The following HIP1 variants were observed in gnomAD, a reference collection of about 807,000 sequenced individuals.
HIP1 encodes huntingtin interacting protein 1.
Under a neutral mutation model 147.6 loss-of-function variants are expected in HIP1, and 65 were observed. That is an observed-to-expected ratio of 0.44 (90% CI 0.36 to 0.54). The LOEUF is 0.54. Ranked by LOEUF, HIP1 falls within the 20% of genes least tolerant of loss-of-function variation. The pLI is 0.00. For missense variants in HIP1, 1,061 were observed against 1,299.6 expected, an observed-to-expected ratio of 0.82 and a Z score of 2.82; for synonymous variants, 479 against 504.0, an observed-to-expected ratio of 0.95 and a Z score of 0.67.
intron 1 of HIP1, among the ~76,000 whole-genome samples, chr7:75,720,191 C>T (rs782744869): frequency 2.0e-5 from 3 of 152,050 alleles, no homozygotes; most frequent in African/African-American, 2.4e-5. Flanking sequence ...AACAGAGTCT[C>T]GCTCTGTCAC....
Position 75,626,804 on chromosome 7 carries a change from T to A in HIP1, c.121-27557A>T, listed in dbSNP as rs1563254260. 4 of 152,052 alleles carry A rather than the reference T, an allele frequency of 2.6e-5. No homozygotes were observed. The East Asian group carries it at 7.7e-4, about 29-fold the overall frequency. 9.4% of individuals were successfully genotyped at this position (152,052 alleles called of 1,614,324 possible). ...TTGTCTGTGTGTACATGCTTGTGTTTGATTGAATCAAATGAAAATTTGGCT... is the reference window on the plus strand; with the variant it reads ...TTGTCTGTGTGTACATGCTTGTGTTAGATTGAATCAAATGAAAATTTGGCT... On this transcript the variant is annotated intron_variant, in intron 1 of 30. Transcript: ENST00000336926.
chr7:75,688,343 C>G (rs1291257696), intron 1 of HIP1, among the ~76,000 whole-genome samples: 1 of 152,046 alleles, frequency 6.6e-6, no homozygotes, highest in Non-Finnish European at 1.5e-5. Flanking sequence ...AGTCCCTCAG[C>G]CCTACAATGA....
rs1045948237 is a variant in HIP1 at position 75,536,298 on chromosome 7, G to C, written c.*1874C>G. On this transcript the variant is annotated 3_prime_UTR_variant, in exon 31 of 31. Transcript: ENST00000336926. ...TATGGTCATCCGAGGTCCTGGGAGA[G>C]AGTTTTTTGAATGTCCCACTTAGAA... The C allele has an allele frequency of 5.9e-6, 1 of 169,608 alleles. No homozygotes were observed. Among genetic ancestry groups the C allele is most frequent in the Non-Finnish European group, 1.2e-5 (1 of 83,548 alleles). The allele number at this position is 169,608 out of a possible 1,614,324, so 10.5% of individuals were successfully genotyped here. A position where few individuals can be genotyped will look rare whatever the true frequency, so the allele number is the denominator to read the frequency against.
chr7:75,557,683 C>T lies in HIP1; in HGVS notation c.1552G>A (p.Glu518Lys), dbSNP rs371587446. ...CGCTGGCCCTGGTCACTGATGCGCT[C>T]CAACGAATCCTCCAGCTCTTTTTTC... Reference protein sequence around the residue: ...REKKELEDSLERISDQGQRKT... With the variant: ...REKKELEDSLKRISDQGQRKT... Residue 518 changes from glutamate to lysine, a missense_variant, in exon 16 of 31, where the codon GAG becomes AAG. By Grantham distance (56) the Glu-to-Lys change is moderately conservative. Coordinates refer to ENST00000336926, the MANE Select transcript of HIP1 (RefSeq NM_005338.7). 4.3e-6 allele frequency: 7 copies of T among 1,613,970 alleles called. No individual in the cohort carries two copies. Among genetic ancestry groups the T allele is most frequent in the Admixed American group, 1.7e-5 (1 of 59,988 alleles).
At chr7:75,542,697 T>C (rs1794381351) in intron 28 of HIP1, among the ~76,000 whole-genome samples, 154 bp downstream of exon 28, 1 of 151,768 alleles carries the variant, frequency 6.6e-6, no homozygotes, top group Non-Finnish European at 1.5e-5. Context: ...AGACCCTGTC[T>C]CAAAAACAGA....
intron 2 of HIP1, among the ~76,000 whole-genome samples, chr7:75,596,235 C>CAAAAAAAAA (rs10658504): frequency 1.7e-5 from 1 of 59,600 alleles, no homozygotes; most frequent in Non-Finnish European, 3.1e-5. Flanking sequence ...GACCCTGCCT[C>CAAAAAAAAA]AAAAAAAAAA....
At chr7:75,590,810 T>G (rs1426128932) in intron 4 of HIP1, among the ~76,000 whole-genome samples, 1 of 152,200 alleles carries the variant, frequency 6.6e-6, no homozygotes, top group Non-Finnish European at 1.5e-5. Flanking sequence ...TTGGGAAATC[T>G]GGGGACAACT....
chr7:75,568,196 T>C lies in HIP1; in HGVS notation c.803+3A>G. The C allele has an allele frequency of 6.2e-7, 1 of 1,607,316 alleles. No individual in the cohort carries two copies. Among genetic ancestry groups the C allele is most frequent in the South Asian group, 1.1e-5 (1 of 90,940 alleles). ...CTCCATTCCTGTTACTTGAACCACT[T>C]ACTTTGTAAACTGCTCCATGAAGCG... On this transcript the variant is annotated splice_donor_region_variant and intron_variant, in intron 9 of 30. Coordinates refer to ENST00000336926, the MANE Select transcript of HIP1 (RefSeq NM_005338.7). The surrounding 1 kb of genome is among the most constrained non-coding windows in gnomAD (Gnocchi z 4.1).
At chr7:75,664,329 C>A (rs1799469276) in intron 1 of HIP1, among the ~76,000 whole-genome samples, 1 of 138,752 alleles carries the variant, frequency 7.2e-6, no homozygotes, top group Non-Finnish European at 1.5e-5. Context: ...CATACACATG[C>A]ATATATATGT....
At chr7:75,667,774 A>C (rs1799607567) in intron 1 of HIP1, among the ~76,000 whole-genome samples, 1 of 152,260 alleles carries the variant, frequency 6.6e-6, no homozygotes, top group Non-Finnish European at 1.5e-5. Context: ...TACAGGCATG[A>C]GCCACTGCAC....
chr7:75,572,208 AGT>A (rs1554496750), intron 8 of HIP1, among the ~76,000 whole-genome samples: 1 of 145,500 alleles, frequency 6.9e-6, no homozygotes, highest in African/African-American at 2.6e-5. Context: ...TGGGTGAGAG[AGT>A]GAGACTCTGT....
Position 75,568,052 on chromosome 7 carries a change from G to T in HIP1, c.803+147C>A. ...CCTGGTGTCAAACTCTTGGCCTCAA[G>T]TGATCCTCCCGCCTCAGCCTCCCAA... On this transcript the variant is annotated intron_variant, in intron 9 of 30. Coordinates refer to ENST00000336926, the MANE Select transcript of HIP1 (RefSeq NM_005338.7). The surrounding 1 kb of genome is among the most constrained non-coding windows in gnomAD (Gnocchi z 4.1). The T allele has an allele frequency of 1.5e-6, 1 of 660,654 alleles. No homozygotes were observed. The highest frequency in any genetic ancestry group is 2.8e-6 in the Non-Finnish European group (1 of 353,408). 40.9% of individuals were successfully genotyped at this position (660,654 alleles called of 1,614,324 possible). A position where few individuals can be genotyped will look rare whatever the true frequency, so the allele number is the denominator to read the frequency against.
chr7:75,702,112 C>T (rs1199732143), intron 1 of HIP1, among the ~76,000 whole-genome samples: 1 of 148,966 alleles, frequency 6.7e-6, no homozygotes, highest in Admixed American at 6.7e-5. Flanking sequence ...GTATTTTTTT[C>T]TTTCTTTTTT....
intron 1 of HIP1, among the ~76,000 whole-genome samples, chr7:75,731,916 T>G (rs1801849422): frequency 6.6e-6 from 1 of 152,104 alleles, no homozygotes. Context: ...AGAATCCTTA[T>G]GCAGGGGGCC....
At chr7:75,581,938 A>G in intron 6 of HIP1, 137 bp downstream of exon 6, 1 of 663,776 alleles carries the variant, frequency 1.5e-6, no homozygotes, top group Non-Finnish European at 2.6e-6. Flanking sequence ...AGTAGCCCCA[A>G]GGCCAAGTCA....
intron 1 of HIP1, among the ~76,000 whole-genome samples, chr7:75,734,733 A>G (rs1554523450): frequency 6.6e-6 from 1 of 152,060 alleles, no homozygotes; most frequent in Non-Finnish European, 1.5e-5. Context: ...CCAGCCAATG[A>G]GTCTCCACTG....
chr7:75,592,190 G>T (rs41281689), intron 3 of HIP1, 78 bp from the exon 4 acceptor site: 34,971 of 1,461,552 alleles, frequency 0.024, 494 homozygotes, highest in Non-Finnish European at 0.029. Context: ...GAGAGAGGCG[G>T]AGGTGAACCT....
At chr7:75,559,992 A>G (rs1481708196) in intron 13 of HIP1, 77 bp from the exon 14 acceptor site, 1 of 1,372,910 alleles carries the variant, frequency 7.3e-7, no homozygotes, top group Non-Finnish European at 9.7e-7. Context: ...AGCGGGTCCT[A>G]CCATGCTTCC....
At position 75,596,839 on chromosome 7, in the gene HIP1, G is replaced by A. The variant is rs587696701; in HGVS notation, c.184+2345C>T. Reference sequence around the variant, plus strand: ...CTTCCCTCCTCCCAGGGAGCCTCCCGGCAGCATGTGACCTGACCCTGCCGC... The same window carrying A: ...CTTCCCTCCTCCCAGGGAGCCTCCCAGCAGCATGTGACCTGACCCTGCCGC... On this transcript the variant is annotated intron_variant, in intron 2 of 30. Transcript: ENST00000336926. 5.9e-5 allele frequency among the ~76,000 whole-genome samples: 9 copies of A among 152,264 alleles called. No homozygotes were observed. In the South Asian group the frequency reaches 1.4e-3, roughly 25 times the overall value.
Sources: gnomAD v4.1 joint callset for allele counts (sites outside exome capture counted in the v4.1 genomes callset) on GRCh38, gnomAD v4.1.1 for gene constraint, Gnocchi (gnomAD v3.1) non-coding constraint, MANE v1.5 for transcripts, NCBI Gene and HGNC (gene_info 2026-07-23, HGNC 2026-07-21) for gene names.